The following AKR1B10 variants were observed in gnomAD, a reference collection of about 807,000 sequenced individuals.
AKR1B10 encodes the protein aldo-keto reductase family 1 member B10, also known as ARP.
A neutral mutation model predicts 38.9 loss-of-function variants in AKR1B10; 39 were observed. The observed-to-expected ratio is 1.00, with a 90% CI of 0.78 to 1.31. The LOEUF is 1.31. Among genes scored for constraint, AKR1B10 ranks in the 50% most tolerant of loss-of-function variants. The probability of loss-of-function intolerance (pLI) is 0.00; values close to 1 mark genes in which losing one functional copy is unlikely to be tolerated. For synonymous variants in AKR1B10, 148 were observed against 141.2 expected (o/e 1.05, Z -0.34); for missense variants, 361 against 382.6 (o/e 0.94, Z 0.47).
At chr7:134,535,748 A>G in intron 4 of AKR1B10, 1 of 929,898 alleles carries the variant, frequency 1.1e-6, no homozygotes, top group Non-Finnish European at 1.3e-6. Context: ...GTCATGATTG[A>G]TGGCTCCATA....
chr7:134,528,080 G>A (rs1157463568), intron 1 of AKR1B10, 103 bp downstream of exon 1: 26 of 1,445,168 alleles, frequency 1.8e-5, no homozygotes, highest in Non-Finnish European at 2.4e-5. Context: ...GGCAGGGGTT[G>A]GAGAGGTAAG....
chr7:134,533,846 T>A (rs1455548849), intron 4 of AKR1B10, among the ~76,000 whole-genome samples: 1 of 152,328 alleles, frequency 6.6e-6, no homozygotes, highest in East Asian at 1.9e-4. Flanking sequence ...TCTCTGGTCA[T>A]TTTTTATTAT....
intron 8 of AKR1B10, among the ~76,000 whole-genome samples, 190 bp downstream of exon 8, chr7:134,538,467 C>A (rs1212886744): frequency 1.3e-5 from 2 of 152,118 alleles, no homozygotes; most frequent in African/African-American, 2.4e-5. Flanking sequence ...TAAGGACATC[C>A]TGGGGGCAGT....
chr7:134,528,504 G>C (rs1380173491), intron 1 of AKR1B10, among the ~76,000 whole-genome samples: 1 of 152,190 alleles, frequency 6.6e-6, no homozygotes, highest in Non-Finnish European at 1.5e-5. Flanking sequence ...CGGGAGGGTT[G>C]CTTGAGCCCA....
intron 2 of AKR1B10, 96 bp downstream of exon 2, chr7:134,530,906 T>A (rs185039151): frequency 6.8e-7 from 1 of 1,468,688 alleles, no homozygotes; most frequent in African/African-American, 1.4e-5. Context: ...CTTTTCTACA[T>A]GTACCCCTTT....
intron 4 of AKR1B10, chr7:134,535,585 CTTTTTT>C (rs58628862): frequency 4.5e-4 from 184 of 410,358 alleles, no homozygotes; most frequent in East Asian, 2.0e-3. Context: ...TCTTTTCTGT[CTTTTTT>C]TTTTTTTTTT....
intron 4 of AKR1B10, chr7:134,535,741 A>G (rs1807985159): frequency 1.1e-6 from 1 of 947,652 alleles, no homozygotes; most frequent in South Asian, 4.9e-5. Context: ...CCTCAGTGTC[A>G]TGATTGATGG....
chr7:134,536,732 T>C lies in AKR1B10; in HGVS notation c.512T>C (p.Leu171Ser). 1 of 1,613,924 alleles carries C rather than the reference T, an allele frequency of 6.2e-7. No homozygotes were observed. The highest frequency in any genetic ancestry group is 8.5e-7 in the Non-Finnish European group (1 of 1,179,818). Reference sequence around the variant, plus strand: ...AGCCACTTCCAGATCGAGAAGCTCTTGAACAAACCTGGACTGAAATATAAA... The same window carrying C: ...AGCCACTTCCAGATCGAGAAGCTCTCGAACAAACCTGGACTGAAATATAAA... ...NFSHFQIEKL[L>S]NKPGLKYKPV... is the part of the protein sequence containing the mutation. Residue 171 changes from leucine to serine, a missense_variant, in exon 5 of 10, where the codon TTG (leucine) becomes TCG (serine). Transcript: ENST00000359579.
chr7:134,538,429 G>T, intron 8 of AKR1B10, 152 bp downstream of exon 8: 1 of 785,030 alleles, frequency 1.3e-6, no homozygotes, highest in Non-Finnish European at 2.1e-6. Flanking sequence ...GCTAGGGTCA[G>T]TAGAGCTGAG....
Position 134,535,585 on chromosome 7 carries a change from C to CTTT in AKR1B10, c.430-1044_430-1042dup, listed in dbSNP as rs58628862. ...CTCATGTTTTTTCCCTCTTTTCTGT[C>CTTT]TTTTTTTTTTTTTTTTTTTTTTTCT... On this transcript the variant is annotated intron_variant, in intron 4 of 9. Coordinates refer to ENST00000359579, the MANE Select transcript of AKR1B10 (RefSeq NM_020299.5). The CTTT allele has an allele frequency of 7.6e-3, 3,105 of 410,278 alleles. 27 individuals carry two copies. Among genetic ancestry groups the CTTT allele is most frequent in the East Asian group, 0.012 (53 of 4,490 alleles). 25.4% of individuals were successfully genotyped at this position (410,278 alleles called of 1,614,324 possible).
chr7:134,541,208 T>C lies in AKR1B10; in HGVS notation c.*119T>C. 1 of 741,380 alleles carries C rather than the reference T, an allele frequency of 1.3e-6. No individual in the cohort carries two copies. The highest frequency in any genetic ancestry group is 2.2e-6 in the Non-Finnish European group (1 of 449,704). 45.9% of individuals were successfully genotyped at this position (741,380 alleles called of 1,614,324 possible). On this transcript the variant is annotated 3_prime_UTR_variant, in exon 10 of 10. Coordinates refer to ENST00000359579, the MANE Select transcript of AKR1B10 (RefSeq NM_020299.5). ...TAAGATCACAGTGAACTTAGTCCTG[T>C]TATAGACGAGAATCGAGGTGCTGTT...
At chr7:134,528,585 A>G (rs1807758305) in intron 1 of AKR1B10, among the ~76,000 whole-genome samples, 1 of 152,178 alleles carries the variant, frequency 6.6e-6, no homozygotes, top group Non-Finnish European at 1.5e-5. Context: ...TTTTCTGGGC[A>G]TGGTGGCACG....
rs370966052 is a variant in AKR1B10 at position 134,537,787 on chromosome 7, G to A, written c.741+126G>A. On this transcript the variant is annotated intron_variant, in intron 7 of 9. Coordinates refer to ENST00000359579, the MANE Select transcript of AKR1B10 (RefSeq NM_020299.5). ...TATAGGAGCTGAAGCCCTCTAAAGT[G>A]TTTCCTTTGAAGTCTGTTGGAACCT... 2,847 of 1,176,092 alleles carry A rather than the reference G, an allele frequency of 2.4e-3. 49 individuals carry two copies. The African/African-American group carries it at 0.04, about 17-fold the overall frequency. The allele number at this position is 1,176,092 out of a possible 1,614,324, so 72.9% of individuals were successfully genotyped here.
Position 134,533,078 on chromosome 7 carries a change from G to A in AKR1B10, c.426G>A (p.Trp142Ter). The A allele has an allele frequency of 1.3e-6, 2 of 1,593,640 alleles. No homozygotes were observed. The highest frequency in any genetic ancestry group is 1.7e-6 in the Non-Finnish European group (2 of 1,173,010). The change falls in exon 4 of 10, where the codon TGG (tryptophan) becomes TGA (stop). Residue 142 changes from tryptophan to a stop codon, truncating the protein, a stop_gained. Coordinates refer to ENST00000359579, the MANE Select transcript of AKR1B10 (RefSeq NM_020299.5). LOFTEE classifies it high-confidence loss of function. The part of the protein sequence containing the change: ...IGGKATFLDA[W>*]EAMEELVDEG... ...GAAAAGCAACGTTCTTGGATGCCTG[G>A]GAGGTAGGTTCCCAGCTTCCTCTAA...
chr7:134,531,238 A>G (rs913549009), intron 2 of AKR1B10, among the ~76,000 whole-genome samples: 1 of 152,166 alleles, frequency 6.6e-6, no homozygotes, highest in Non-Finnish European at 1.5e-5. Context: ...GCATTTTTCT[A>G]TTGTCACATA....
chr7:134,536,523 G>A, intron 4 of AKR1B10, 127 bp from the exon 5 acceptor site: 1 of 1,427,456 alleles, frequency 7.0e-7, no homozygotes, highest in South Asian at 1.6e-5. Flanking sequence ...AAAATTTCCT[G>A]TGAATGCTTC....
chr7:134,539,799 T>C (rs1402201629), intron 9 of AKR1B10, among the ~76,000 whole-genome samples: 1 of 152,216 alleles, frequency 6.6e-6, no homozygotes, highest in Non-Finnish European at 1.5e-5. Context: ...TTACAAGCAA[T>C]ACTTTCTGAA....
chr7:134,536,561 A>G, intron 4 of AKR1B10, 89 bp from the exon 5 acceptor site: 1 of 1,536,286 alleles, frequency 6.5e-7, no homozygotes, highest in Non-Finnish European at 8.7e-7. Context: ...TGGATCCTTT[A>G]GCAATTTCTG....
chr7:134,535,553 T>C (rs1179494716), intron 4 of AKR1B10: 1 of 953,616 alleles, frequency 1.0e-6, no homozygotes, highest in Non-Finnish European at 1.2e-6. Context: ...CCTTCCTGTG[T>C]CATATGCTCA....
Sources: gnomAD v4.1 joint callset for allele counts (sites outside exome capture counted in the v4.1 genomes callset) on GRCh38, gnomAD v4.1.1 for gene constraint, MANE v1.5 for transcripts, NCBI Gene and HGNC (gene_info 2026-07-23, HGNC 2026-07-21) for gene names.